The following COX10 variants were observed in gnomAD, a reference collection of about 807,000 sequenced individuals.
The protein encoded by COX10 is protoheme IX farnesyltransferase, mitochondrial.
Under a neutral mutation model 37.3 loss-of-function variants are expected in COX10, and 27 were observed. The ratio of observed to expected loss-of-function variants is 0.72; its 90% CI spans 0.53 to 1.00. COX10 has a LOEUF of 1.00. Among genes scored for constraint, COX10 ranks in the 50% least tolerant of loss-of-function variants. The probability of loss-of-function intolerance (pLI) is 0.00; values close to 1 mark genes in which losing one functional copy is unlikely to be tolerated. For synonymous variants in COX10, 222 were observed against 229.1 expected (o/e 0.97, Z 0.28); for missense variants, 475 against 563.2 (o/e 0.84, Z 1.59).
chr17:14,115,745 A>G (rs536110452), intron 4 of COX10, among the ~76,000 whole-genome samples: 45 of 152,332 alleles, frequency 3.0e-4, no homozygotes, highest in African/African-American at 9.6e-4. Flanking sequence ...ACCAGAGTTC[A>G]TTATATTAAG....
chr17:14,157,956 T>G lies in COX10; in HGVS notation c.625-1921T>G, dbSNP rs542646769. ...TGCTCTCTTAATGCTGTGGGGATAG[T>G]GGTGGTTATCATTATTGGTATGTGG... is the stretch of plus-strand genomic sequence containing the variant. On this transcript the variant is annotated intron_variant, in intron 4 of 6. Coordinates refer to ENST00000261643, the MANE Select transcript of COX10 (RefSeq NM_001303.4). Among the ~76,000 whole-genome samples the G allele has an allele frequency of 2.6e-5, 4 of 152,264 alleles. No individual in the cohort carries two copies. The South Asian group carries it at 8.3e-4, about 32-fold the overall frequency.
intron 5 of COX10, among the ~76,000 whole-genome samples, chr17:14,170,719 A>C (rs1277981636): frequency 1.3e-5 from 2 of 152,180 alleles, no homozygotes; most frequent in African/African-American, 4.8e-5. Flanking sequence ...TTAGAGGCTG[A>C]GGCAGGAGGA....
intron 4 of COX10, among the ~76,000 whole-genome samples, chr17:14,125,399 T>C (rs779440973): frequency 9.2e-5 from 14 of 152,218 alleles, no homozygotes; most frequent in Admixed American, 2.6e-4. Context: ...AGCCTTGTAT[T>C]AAGGGTATTG....
chr17:14,093,770 T>C (rs1321143945), intron 3 of COX10, among the ~76,000 whole-genome samples: 1 of 152,228 alleles, frequency 6.6e-6, no homozygotes, highest in Non-Finnish European at 1.5e-5. Flanking sequence ...GATACAGTGT[T>C]AAAGCCTGTC....
intron 4 of COX10, among the ~76,000 whole-genome samples, chr17:14,113,445 G>A (rs1053420408): frequency 1.3e-5 from 2 of 152,040 alleles, no homozygotes; most frequent in African/African-American, 4.8e-5. Context: ...ACTAAAAAAA[G>A]GATGATGATG....
intron 5 of COX10, among the ~76,000 whole-genome samples, chr17:14,168,370 C>T (rs1905352820): frequency 1.3e-5 from 2 of 152,170 alleles, no homozygotes; most frequent in Non-Finnish European, 2.9e-5. Flanking sequence ...TTTCCAGGCA[C>T]ATAGTGCAAG....
chr17:14,090,000 C>G (rs1468685644), intron 3 of COX10, among the ~76,000 whole-genome samples: 1 of 152,076 alleles, frequency 6.6e-6, no homozygotes, highest in African/African-American at 2.4e-5. Context: ...CTAACCTAGT[C>G]TATCTGAATT....
chr17:14,116,259 A>G (rs1916106538), intron 4 of COX10, among the ~76,000 whole-genome samples: 1 of 152,164 alleles, frequency 6.6e-6, no homozygotes, highest in South Asian at 2.1e-4. Flanking sequence ...TGAAAATATT[A>G]AACGGAAAAT....
At chr17:14,123,468 C>T (rs1310015059) in intron 4 of COX10, among the ~76,000 whole-genome samples, 3 of 152,120 alleles carry the variant, frequency 2.0e-5, no homozygotes, top group Admixed American at 2.0e-4. Flanking sequence ...AACATTAAGA[C>T]TTCTTTAAGA....
intron 3 of COX10, among the ~76,000 whole-genome samples, chr17:14,089,857 G>A (rs1490773876): frequency 6.6e-6 from 1 of 152,066 alleles, no homozygotes; most frequent in African/African-American, 2.4e-5. Context: ...CATACTTTGA[G>A]ACACACTCTT....
intron 4 of COX10, among the ~76,000 whole-genome samples, chr17:14,104,780 GAA>G (rs1346311133): frequency 1.3e-5 from 2 of 152,082 alleles, no homozygotes; most frequent in Non-Finnish European, 2.9e-5. Context: ...TTTAAGGAGA[GAA>G]AATGAAATTC....
chr17:14,119,781 G>A (rs948657917), intron 4 of COX10, among the ~76,000 whole-genome samples: 1 of 152,138 alleles, frequency 6.6e-6, no homozygotes, highest in Admixed American at 6.5e-5. Context: ...AGAGTGTTGA[G>A]TGAGATGAGG....
At chr17:14,188,294 A>C (rs1906100768) in intron 5 of COX10, among the ~76,000 whole-genome samples, 1 of 150,622 alleles carries the variant, frequency 6.6e-6, no homozygotes, top group Admixed American at 6.6e-5. Context: ...ACTGCTTTTT[A>C]GCCATCTAAA....
intron 4 of COX10, among the ~76,000 whole-genome samples, chr17:14,150,214 A>T (rs1172406554): frequency 6.6e-6 from 1 of 152,014 alleles, no homozygotes; most frequent in Non-Finnish European, 1.5e-5. Context: ...CAGAGGTTGC[A>T]GCCACCCGTG....
chr17:14,126,975 G>A (rs1387477771), intron 4 of COX10, among the ~76,000 whole-genome samples: 4 of 134,880 alleles, frequency 3.0e-5, no homozygotes, highest in Admixed American at 2.3e-4. Flanking sequence ...ATAGTGACTC[G>A]AATTCATGTT....
intron 4 of COX10, among the ~76,000 whole-genome samples, chr17:14,155,150 T>G (rs1195259739): frequency 6.6e-6 from 1 of 152,000 alleles, no homozygotes; most frequent in Non-Finnish European, 1.5e-5. Context: ...TGGTGATGAA[T>G]TAGATATAGT....
intron 4 of COX10, among the ~76,000 whole-genome samples, chr17:14,141,026 A>G (rs1904526321): frequency 6.6e-6 from 1 of 152,100 alleles, no homozygotes; most frequent in African/African-American, 2.4e-5. Flanking sequence ...GAATTCATAC[A>G]TGGATATCGT....
At chr17:14,118,517 C>T (rs1916162622) in intron 4 of COX10, among the ~76,000 whole-genome samples, 2 of 152,122 alleles carry the variant, frequency 1.3e-5, no homozygotes, top group African/African-American at 4.8e-5. Context: ...TACATCTTTG[C>T]ACTATTTTAG....
At chr17:14,152,365 T>C (rs1380428780) in intron 4 of COX10, among the ~76,000 whole-genome samples, 1 of 152,148 alleles carries the variant, frequency 6.6e-6, no homozygotes, top group Non-Finnish European at 1.5e-5. Flanking sequence ...TTTCTCCTTA[T>C]CAAACCATCA....
Sources: gnomAD v4.1 joint callset for allele counts (sites outside exome capture counted in the v4.1 genomes callset) on GRCh38, gnomAD v4.1.1 for gene constraint, MANE v1.5 for transcripts, NCBI Gene and HGNC (gene_info 2026-07-23, HGNC 2026-07-21) for gene names.